Variants in MTMR9 observed in about 807,000 individuals in gnomAD.
The protein encoded by MTMR9 is myotubularin-related protein 9.
MTMR9 carries 39 observed loss-of-function variants against 69.5 expected under a neutral mutation model. The observed-to-expected ratio is 0.56, with a 90% CI of 0.43 to 0.73. The LOEUF (loss-of-function observed/expected upper bound fraction) is 0.73. MTMR9 is among the 30% of genes least tolerant of loss of function. MTMR9 has a pLI of 0.00. For missense variants in MTMR9, 900 were observed against 671.2 expected, an observed-to-expected ratio of 1.34 and a Z score of -3.77; for synonymous variants, 354 against 240.8, an observed-to-expected ratio of 1.47 and a Z score of -4.35.
intron 1 of MTMR9, among the ~76,000 whole-genome samples, chr8:11,285,948 C>CTTTTTTTTTTTTTTT (rs755153057): frequency 1.0e-4 from 11 of 107,104 alleles, no homozygotes; most frequent in East Asian, 2.8e-4. Flanking sequence ...TTCTTTCTTT[C>CTTTTTTTTTTTTTTT]TTTTTTTTTT....
intron 9 of MTMR9, chr8:11,321,641 G>A (rs1800697443): frequency 2.7e-6 from 1 of 373,482 alleles, no homozygotes; most frequent in Non-Finnish European, 5.4e-6. Flanking sequence ...AAATCCTATG[G>A]TAGGCATCTA....
At chr8:11,319,877 G>C (rs777368556) in intron 9 of MTMR9, 39 bp downstream of exon 9, 7 of 1,607,400 alleles carry the variant, frequency 4.4e-6, no homozygotes, top group African/African-American at 1.3e-5. Flanking sequence ...TAACGGTCAG[G>C]TGTGCATGCG....
chr8:11,302,143 C>G (rs1208983517), intron 3 of MTMR9, among the ~76,000 whole-genome samples: 1 of 150,800 alleles, frequency 6.6e-6, no homozygotes, highest in Admixed American at 6.6e-5. Context: ...GTCCCAGTTA[C>G]CTGGGGGTCT....
chr8:11,332,759 A>T (rs1563298766), downstream of MTMR9, among the ~76,000 whole-genome samples: 1 of 152,048 alleles, frequency 6.6e-6, no homozygotes, highest in Non-Finnish European at 1.5e-5. Context: ...ATGCCACCAC[A>T]CGCAGCTAAT....
rs1336675572 is a variant in MTMR9, at chr8:11,284,885, G to A, written c.-4G>A. 2.5e-6 allele frequency: 4 copies of A among 1,599,670 alleles called. No individual in the cohort carries two copies. The highest frequency in any genetic ancestry group is 2.3e-5 in the East Asian group (1 of 43,488). ...CGGTTCCCTGGCTCCGGCCGCGGGGGAGCATGGAGTTTGCGGAGCTGATTA... is the reference window on the plus strand; with the variant it reads ...CGGTTCCCTGGCTCCGGCCGCGGGGAAGCATGGAGTTTGCGGAGCTGATTA... On this transcript the variant is annotated 5_prime_UTR_variant, in exon 1 of 10. Transcript: ENST00000221086.
chr8:11,287,560 G>C (rs1010364868), intron 1 of MTMR9, among the ~76,000 whole-genome samples: 2 of 151,306 alleles, frequency 1.3e-5, no homozygotes, highest in South Asian at 4.2e-4. Flanking sequence ...TGTTTTCCAC[G>C]TGCATTGTCT....
the MTMR9 span, among the ~76,000 whole-genome samples, chr8:11,338,273 A>G: frequency 6.6e-6 from 1 of 152,194 alleles, no homozygotes; most frequent in Non-Finnish European, 1.5e-5. Flanking sequence ...GCATGAATTC[A>G]TTATATGGAC....
chr8:11,306,228 C>T lies in MTMR9; in HGVS notation c.630C>T (p.Asn210=), dbSNP rs747595417. The change falls in exon 5 of 10, where the codon AAC becomes AAT. Residue 210 remains asparagine, a synonymous_variant. Transcript: ENST00000221086. ...GTGGTCAGCCACTCACTGGTACAAACGGGAGGAGGTGCAAGGAGGACGAGA... is the reference window on the plus strand; with the variant it reads ...GTGGTCAGCCACTCACTGGTACAAATGGGAGGAGGTGCAAGGAGGACGAGA... ...MRSGQPLTGT[N]GRRCKEDEKL... is the part of the protein sequence containing the mutation. 15 of 1,613,324 alleles carry T rather than the reference C, an allele frequency of 9.3e-6. No homozygotes were observed. Among genetic ancestry groups the T allele is most frequent in the South Asian group, 4.4e-5 (4 of 91,038 alleles).
intron 2 of MTMR9, among the ~76,000 whole-genome samples, chr8:11,296,450 A>G (rs557381838): frequency 4.6e-5 from 7 of 152,332 alleles, no homozygotes; most frequent in African/African-American, 1.4e-4. Context: ...TTAGTAGGGT[A>G]TAAAACTTTA....
chr8:11,295,873 G>A (rs1369718738), intron 2 of MTMR9, among the ~76,000 whole-genome samples: 1 of 152,148 alleles, frequency 6.6e-6, no homozygotes, highest in African/African-American at 2.4e-5. Flanking sequence ...GGACCTAGAA[G>A]CCCTCATTGA....
At chr8:11,333,025 T>C (rs1251698754), downstream of MTMR9, among the ~76,000 whole-genome samples, 1 of 152,170 alleles carries the variant, frequency 6.6e-6, no homozygotes, top group Non-Finnish European at 1.5e-5. Context: ...TCAAGACTTG[T>C]AGGATACCAT....
intron 2 of MTMR9, among the ~76,000 whole-genome samples, chr8:11,296,626 C>G (rs1037202781): frequency 1.3e-5 from 2 of 152,154 alleles, no homozygotes; most frequent in Non-Finnish European, 2.9e-5. Context: ...TAAGTAGAAT[C>G]ATAGTACATA....
chr8:11,333,561 G>A, the MTMR9 span, among the ~76,000 whole-genome samples: 17 of 152,092 alleles, frequency 1.1e-4, no homozygotes, highest in Non-Finnish European at 2.1e-4. Flanking sequence ...CCCATATGAA[G>A]AAAGAAGTAT....
At chr8:11,322,440 A>G (rs1345723144) in intron 9 of MTMR9, among the ~76,000 whole-genome samples, 185 bp from the exon 10 acceptor site, 2 of 152,228 alleles carry the variant, frequency 1.3e-5, no homozygotes, top group Admixed American at 6.5e-5. Context: ...ATTGTATTCA[A>G]TTGCATCCTT....
rs1272709203 is a variant in MTMR9, at chr8:11,288,064, ATAT to A, written c.182+2998_182+3000del. Among the ~76,000 whole-genome samples, 19 of 130,596 alleles carry A rather than the reference ATAT, an allele frequency of 1.5e-4. 1 individual carries two copies. The highest frequency in any genetic ancestry group is 1.1e-3 in the Admixed American group (12 of 11,250). 85.7% of individuals were successfully genotyped at this position (130,596 alleles called of 152,430 possible). A position where few individuals can be genotyped will look rare whatever the true frequency, so the allele number is the denominator to read the frequency against. ...TTATATAATACGTATTATATAATAT[ATAT>A]TATATTTCACCTATATAATATATAT... On this transcript the variant is annotated intron_variant, in intron 1 of 9. Coordinates refer to ENST00000221086, the MANE Select transcript of MTMR9 (RefSeq NM_015458.4).
intron 2 of MTMR9, among the ~76,000 whole-genome samples, chr8:11,299,028 C>T (rs1799659803): frequency 6.6e-6 from 1 of 152,112 alleles, no homozygotes; most frequent in Non-Finnish European, 1.5e-5. Context: ...CTATGTAGAG[C>T]ATGTCATAGC....
At chr8:11,309,270 A>G (rs764467975) in intron 5 of MTMR9, among the ~76,000 whole-genome samples, 14 of 152,326 alleles carry the variant, frequency 9.2e-5, no homozygotes, top group South Asian at 2.1e-4. Context: ...CTATAGTCAG[A>G]TAATCCAGGT....
downstream of MTMR9, among the ~76,000 whole-genome samples, chr8:11,330,267 C>T (rs146127980): frequency 0.071 from 10,667 of 149,810 alleles, 618 homozygotes; most frequent in Admixed American, 0.19. Context: ...CCCCCACCGG[C>T]CAGCCGCCCT....
chr8:11,331,980 G>A (rs755447829), downstream of MTMR9: 39 of 1,611,936 alleles, frequency 2.4e-5, no homozygotes, highest in South Asian at 1.5e-4. Flanking sequence ...CGAGGTGGTT[G>A]TGGCCCTTAT....
Sources: gnomAD v4.1 joint callset for allele counts (sites outside exome capture counted in the v4.1 genomes callset) on GRCh38, gnomAD v4.1.1 for gene constraint, MANE v1.5 for transcripts, NCBI Gene and HGNC (gene_info 2026-07-23, HGNC 2026-07-21) for gene names.